DCLK1: variants seen among roughly 807,000 people sequenced by gnomAD.
DCLK1 encodes the protein serine/threonine-protein kinase DCLK1.
A neutral mutation model predicts 86.2 loss-of-function variants in DCLK1; 16 were observed. That is an observed-to-expected ratio of 0.19 (90% CI 0.13 to 0.28). The LOEUF (loss-of-function observed/expected upper bound fraction) is 0.28, where lower values mean the gene tolerates loss of function less well. Among genes scored for constraint, DCLK1 ranks in the 10% least tolerant of loss-of-function variants. DCLK1 has a pLI of 1.00. For synonymous variants in DCLK1, 369 were observed against 370.5 expected (o/e 1.00, Z 0.05); for missense variants, 590 against 940.2 (o/e 0.63, Z 4.87).
At chr13:35,990,170 C>G (rs187500032) in intron 3 of DCLK1, among the ~76,000 whole-genome samples, 10 of 152,108 alleles carry the variant, frequency 6.6e-5, no homozygotes, top group Admixed American at 6.6e-4. Context: ...TTAATTGTCC[C>G]CAAGGATACA....
chr13:36,028,293 A>G (rs1882124226), intron 3 of DCLK1, among the ~76,000 whole-genome samples: 1 of 152,198 alleles, frequency 6.6e-6, no homozygotes, highest in African/African-American at 2.4e-5. Context: ...GATTTGACTA[A>G]GTCCAAAACA....
At chr13:36,058,011 A>G (rs952930092) in intron 3 of DCLK1, among the ~76,000 whole-genome samples, 2 of 152,168 alleles carry the variant, frequency 1.3e-5, no homozygotes, top group African/African-American at 4.8e-5. Context: ...ATCTTTGCAC[A>G]TGGCCATATT....
intron 15 of DCLK1, among the ~76,000 whole-genome samples, chr13:35,801,658 G>A (rs2086922883): frequency 6.6e-6 from 1 of 152,162 alleles, no homozygotes. Context: ...TCAGCAAAGT[G>A]GGACCATGTG....
intron 3 of DCLK1, among the ~76,000 whole-genome samples, chr13:36,019,828 A>G (rs145742680): frequency 7.6e-4 from 116 of 152,310 alleles, no homozygotes; most frequent in Non-Finnish European, 1.4e-3. Flanking sequence ...CATCCGATAC[A>G]TGGCTCATAG....
chr13:35,971,911 G>A (rs1193360582), intron 3 of DCLK1, among the ~76,000 whole-genome samples: 1 of 152,212 alleles, frequency 6.6e-6, no homozygotes, highest in Non-Finnish European at 1.5e-5. Context: ...CAGGGAGCAA[G>A]TTACAAATAA....
chr13:35,887,599 C>T (rs1873352625), intron 4 of DCLK1, among the ~76,000 whole-genome samples: 1 of 152,018 alleles, frequency 6.6e-6, no homozygotes, highest in South Asian at 2.1e-4. Context: ...AATTCTATGG[C>T]CATTCGTATC....
At chr13:36,125,413 T>C (rs1182188559) in intron 2 of DCLK1, among the ~76,000 whole-genome samples, 1 of 152,196 alleles carries the variant, frequency 6.6e-6, no homozygotes, top group Non-Finnish European at 1.5e-5. Context: ...TCGGATATCG[T>C]GATAGCAAAA....
chr13:35,801,941 G>A (rs2086928142), intron 15 of DCLK1, among the ~76,000 whole-genome samples: 1 of 152,060 alleles, frequency 6.6e-6, no homozygotes, highest in Non-Finnish European at 1.5e-5. Context: ...TAGCAAACAT[G>A]CACATTCTGC....
At chr13:35,947,679 AG>A (rs1466308841) in intron 3 of DCLK1, among the ~76,000 whole-genome samples, 1 of 152,246 alleles carries the variant, frequency 6.6e-6, no homozygotes, top group Non-Finnish European at 1.5e-5. Context: ...AAATAGAACC[AG>A]TAACTGTCAC....
chr13:35,970,048 T>C (rs1878991280), intron 3 of DCLK1, among the ~76,000 whole-genome samples: 1 of 152,222 alleles, frequency 6.6e-6, no homozygotes, highest in Admixed American at 6.5e-5. Flanking sequence ...CAGTCTATGG[T>C]ATTTTGTTAT....
intron 2 of DCLK1, 38 bp downstream of exon 2, chr13:36,125,724 C>T: frequency 6.3e-7 from 1 of 1,579,052 alleles, no homozygotes; most frequent in Non-Finnish European, 8.6e-7. Context: ...GAGCCTGGAA[C>T]CTGTAGGGTC....
At chr13:35,794,634 T>G (rs1264075365) in intron 15 of DCLK1, among the ~76,000 whole-genome samples, 1 of 152,202 alleles carries the variant, frequency 6.6e-6, no homozygotes, top group Non-Finnish European at 1.5e-5. Context: ...GGAGAAACGA[T>G]GGCGAGCAAA....
chr13:36,021,116 G>A (rs1372050443), intron 3 of DCLK1, among the ~76,000 whole-genome samples: 1 of 151,996 alleles, frequency 6.6e-6, no homozygotes, highest in African/African-American at 2.4e-5. Context: ...CACAAAAGAG[G>A]AGGAAGGAGA....
intron 2 of DCLK1, among the ~76,000 whole-genome samples, chr13:36,116,493 A>T (rs76435828): frequency 6.6e-6 from 1 of 152,080 alleles, no homozygotes; most frequent in Non-Finnish European, 1.5e-5. Context: ...TTCCTCCACG[A>T]GACTCTATAT....
At chr13:35,803,675 G>C (rs1321819367) in intron 15 of DCLK1, among the ~76,000 whole-genome samples, 1 of 152,154 alleles carries the variant, frequency 6.6e-6, no homozygotes, top group Non-Finnish European at 1.5e-5. Context: ...CACATTGACT[G>C]TGCTTTCAAT....
chr13:35,919,389 A>G (rs1184088236), intron 4 of DCLK1, among the ~76,000 whole-genome samples: 1 of 152,094 alleles, frequency 6.6e-6, no homozygotes, highest in Non-Finnish European at 1.5e-5. Flanking sequence ...AAACCAAACC[A>G]CACAAACCCT....
In DCLK1 at chr13:36,112,077, C is replaced by T. The variant is rs1220924038; in HGVS notation, c.515G>A (p.Ser172Asn). The change falls in exon 3 of 17, where the codon AGC (serine) becomes AAC (asparagine). Residue 172 changes from serine to asparagine, a missense_variant. Coordinates refer to ENST00000360631, the MANE Select transcript of DCLK1 (RefSeq NM_001330071.2). ...AVSSLATAKG[S>N]PSEVRENKDF... ...CTTATTCTCTCGCACCTCTGAAGGGCTTCCTTTGGCAGTGGCCAGTGAAGA... is the reference window on the plus strand; with the variant it reads ...CTTATTCTCTCGCACCTCTGAAGGGTTTCCTTTGGCAGTGGCCAGTGAAGA... 6 of 1,614,186 alleles carry T rather than the reference C, an allele frequency of 3.7e-6. No homozygotes were observed. The South Asian group carries it at 4.4e-5, about 12-fold the overall frequency.
intron 5 of DCLK1, among the ~76,000 whole-genome samples, chr13:35,867,909 A>AAAAGAAAGAAGGAAAG (rs1555345721): frequency 9.8e-6 from 1 of 102,374 alleles, no homozygotes; most frequent in African/African-American, 4.0e-5. Context: ...GAAAGAAAGA[A>AAAAGAAAGAAGGAAAG]AAAGAAAGAA....
At chr13:35,862,426 C>A (rs1039971404) in intron 5 of DCLK1, among the ~76,000 whole-genome samples, 1 of 152,192 alleles carries the variant, frequency 6.6e-6, no homozygotes, top group African/African-American at 2.4e-5. Context: ...TCTGTCTTGA[C>A]AATTTCATTC....
Sources: gnomAD v4.1 joint callset for allele counts (sites outside exome capture counted in the v4.1 genomes callset) on GRCh38, gnomAD v4.1.1 for gene constraint, MANE v1.5 for transcripts, NCBI Gene and HGNC (gene_info 2026-07-23, HGNC 2026-07-21) for gene names.